Variants in DNAH11 observed in about 807,000 individuals in gnomAD.
DNAH11 encodes dynein axonemal heavy chain 11.
A neutral mutation model predicts 526.0 loss-of-function variants in DNAH11; 442 were observed. The observed-to-expected ratio is 0.84, with a 90% CI of 0.78 to 0.91. The LOEUF is 0.91. Among genes scored for constraint, DNAH11 ranks in the 40% least tolerant of loss-of-function variants. The probability of loss-of-function intolerance (pLI) is 0.00; values close to 1 mark genes in which losing one functional copy is unlikely to be tolerated. For synonymous variants in DNAH11, 2,461 were observed against 1,935.9 expected, an observed-to-expected ratio of 1.27 and a Z score of -7.12; for missense variants, 6,989 against 5,448.7, an observed-to-expected ratio of 1.28 and a Z score of -8.90.
intron 14 of DNAH11, among the ~76,000 whole-genome samples, chr7:21,599,161 ACT>A (rs1304965029): frequency 6.6e-6 from 1 of 152,202 alleles, no homozygotes. Context: ...GAATTTCCAC[ACT>A]GTCTTCCACA....
intron 56 of DNAH11, among the ~76,000 whole-genome samples, chr7:21,778,017 A>T (rs1042254692): frequency 6.6e-5 from 10 of 152,200 alleles, no homozygotes; most frequent in Non-Finnish European, 1.5e-4. Context: ...TTTGGAAAAG[A>T]AGTGCAGTGG....
At chr7:21,811,316 C>T (rs1354806318) in intron 63 of DNAH11, among the ~76,000 whole-genome samples, 3 of 151,482 alleles carry the variant, frequency 2.0e-5, no homozygotes, top group Non-Finnish European at 4.4e-5. Context: ...ATTAGCCAGG[C>T]GTGGTGGTGG....
chr7:21,771,568 T>C lies in DNAH11; in HGVS notation c.9103-2198T>C, dbSNP rs546104928. Among the ~76,000 whole-genome samples the C allele has an allele frequency of 3.3e-5, 5 of 152,336 alleles. No homozygotes were observed. The East Asian group carries it at 9.6e-4, about 29-fold the overall frequency. On this transcript the variant is annotated intron_variant, in intron 55 of 81. Coordinates refer to ENST00000409508, the MANE Select transcript of DNAH11 (RefSeq NM_001277115.2). Reference sequence around the variant, plus strand: ...AAGCAGTTTCATCTTTGCATTTGATTATGCGTTGGAGACAGCATCGTTTTC... The same window carrying C: ...AAGCAGTTTCATCTTTGCATTTGATCATGCGTTGGAGACAGCATCGTTTTC...
chr7:21,833,524 C>T (rs1781870991), intron 65 of DNAH11, among the ~76,000 whole-genome samples: 1 of 151,988 alleles, frequency 6.6e-6, no homozygotes, highest in Admixed American at 6.6e-5. Context: ...GAAACCTCGT[C>T]TCTACTAAAA....
intron 28 of DNAH11, among the ~76,000 whole-genome samples, chr7:21,639,334 C>G (rs549525130): frequency 6.6e-6 from 1 of 151,638 alleles, no homozygotes; most frequent in Non-Finnish European, 1.5e-5. Flanking sequence ...GAAACACTGT[C>G]GCCAAATCCC....
At chr7:21,859,182 C>T (rs962515511) in intron 68 of DNAH11, among the ~76,000 whole-genome samples, 1 of 152,000 alleles carries the variant, frequency 6.6e-6, no homozygotes, top group Non-Finnish European at 1.5e-5. Context: ...GGTGCAATCT[C>T]GGCTCACTGC....
At chr7:21,877,223 CTTT>C (rs542697482) in intron 74 of DNAH11, among the ~76,000 whole-genome samples, 2 of 151,794 alleles carry the variant, frequency 1.3e-5, no homozygotes, top group African/African-American at 4.8e-5. Flanking sequence ...CTAATTAAAC[CTTT>C]TTTTTCTTTT....
chr7:21,895,062 G>A (rs1562608932), intron 79 of DNAH11, 63 bp downstream of exon 79: 1 of 1,330,938 alleles, frequency 7.5e-7, no homozygotes, highest in Non-Finnish European at 1.1e-6. Context: ...TTAGTGTTCT[G>A]AATAATGCTT....
intron 28 of DNAH11, among the ~76,000 whole-genome samples, chr7:21,642,282 G>C (rs1359675633): frequency 5.3e-5 from 8 of 152,142 alleles, no homozygotes; most frequent in Admixed American, 5.2e-4. Flanking sequence ...CAGCCTTTGT[G>C]GTACAAATAA....
In DNAH11 at chr7:21,543,298, C is replaced by A; in HGVS notation, c.53C>A (p.Thr18Asn). Residue 18 changes from threonine (T) to asparagine (N), a missense_variant, in exon 1 of 82, where the codon ACC becomes AAC. By Grantham distance (65) the Thr-to-Asn change is moderately conservative. Transcript: ENST00000409508. The stretch of plus-strand genomic sequence containing the variant: ...GCGCGAGACTTCAGAGAAGCCCCGA[C>A]CCTTCGCCTAACCTCGGGGGCCGGC... Reference protein sequence around the residue: ...REARDFREAPTLRLTSGAGLE... With the variant: ...REARDFREAPNLRLTSGAGLE... The A allele has an allele frequency of 2.6e-6, 4 of 1,548,822 alleles. No homozygotes were observed. In the South Asian group the frequency reaches 3.6e-5, roughly 14 times the overall value.
At chr7:21,899,000 G>A (rs1275356441) in intron 79 of DNAH11, among the ~76,000 whole-genome samples, 3 of 151,594 alleles carry the variant, frequency 2.0e-5, no homozygotes, top group Non-Finnish European at 4.4e-5. Context: ...GTTGGCGCTT[G>A]TCAGTCCAAG....
In DNAH11 at chr7:21,570,108, G is replaced by A; in HGVS notation, c.1234G>A (p.Glu412Lys). The change falls in exon 7 of 82, where the codon GAA becomes AAA. Residue 412 changes from glutamate (E) to lysine (K), a missense_variant. Coordinates refer to ENST00000409508, the MANE Select transcript of DNAH11 (RefSeq NM_001277115.2). ...TTCACCTGAGGACCTTTTGAGGGGA[G>A]AAATAGAAGAGTCACTGGAAAAGGT... The part of the protein sequence containing the change: ...YLSPEDLLRG[E>K]IEESLEKVQV... The A allele has an allele frequency of 6.2e-7, 1 of 1,612,178 alleles. No individual in the cohort carries two copies. The highest frequency in any genetic ancestry group is 2.2e-5 in the East Asian group (1 of 44,788).
At chr7:21,900,773 T>G (rs1431765407) in intron 81 of DNAH11, 2 of 432,472 alleles carry the variant, frequency 4.6e-6, no homozygotes, top group African/African-American at 4.0e-5. Flanking sequence ...AAAATCAGCT[T>G]ACTTCCACAG....
Position 21,682,525 on chromosome 7 carries a change from CAAA to C in DNAH11, c.5460+871_5460+873del, listed in dbSNP as rs60337481. ...TGGGTGACAGAGCGAGACTCCATCT[CAAA>C]AAAAAAAAAAAAAAAAAAAAAATTT... On this transcript the variant is annotated intron_variant, in intron 31 of 81. Transcript: ENST00000409508. Among the ~76,000 whole-genome samples the C allele has an allele frequency of 1.1e-3, 107 of 96,018 alleles. No individual in the cohort carries two copies. The East Asian group carries it at 0.012, about 11-fold the overall frequency. 63.0% of individuals were successfully genotyped at this position (96,018 alleles called of 152,430 possible). A position where few individuals can be genotyped will look rare whatever the true frequency, so the allele number is the denominator to read the frequency against.
chr7:21,827,768 C>G (rs139878977), intron 65 of DNAH11, among the ~76,000 whole-genome samples: 2 of 151,954 alleles, frequency 1.3e-5, no homozygotes, highest in African/African-American at 4.8e-5. Flanking sequence ...TAGCAGCTTT[C>G]CAGTTTATTA....
chr7:21,827,026 C>A (rs1052854399), intron 65 of DNAH11, among the ~76,000 whole-genome samples: 2 of 152,152 alleles, frequency 1.3e-5, no homozygotes, highest in Admixed American at 6.5e-5. Flanking sequence ...CTAATTACTC[C>A]TTTCATGTCT....
chr7:21,859,071 T>C (rs1329892355), intron 68 of DNAH11, among the ~76,000 whole-genome samples: 1 of 152,182 alleles, frequency 6.6e-6, no homozygotes, highest in Non-Finnish European at 1.5e-5. Context: ...AACTTCAGGC[T>C]ATGTGTATAA....
chr7:21,896,885 C>A (rs537709611), intron 79 of DNAH11, among the ~76,000 whole-genome samples: 184 of 152,058 alleles, frequency 1.2e-3, no homozygotes, highest in Admixed American at 5.0e-3. Flanking sequence ...ATAATGAGAC[C>A]CTGTCTCTAA....
intron 61 of DNAH11, among the ~76,000 whole-genome samples, chr7:21,792,633 T>C (rs1420455147): frequency 6.6e-6 from 1 of 152,162 alleles, no homozygotes; most frequent in Admixed American, 6.5e-5. Flanking sequence ...AGAGTGTATA[T>C]GTGCAGGAAT....
Sources: allele counts gnomAD v4.1 joint callset (sites outside exome capture counted in the v4.1 genomes callset), GRCh38; gene constraint gnomAD v4.1.1; transcripts MANE v1.5; gene names NCBI Gene and HGNC (gene_info 2026-07-23, HGNC 2026-07-21).